The following MYCT1 variants were observed in gnomAD, a reference collection of about 807,000 sequenced individuals.
The protein encoded by MYCT1 is myc target protein 1.
Under a neutral mutation model 15.0 loss-of-function variants are expected in MYCT1, and 12 were observed. That is an observed-to-expected ratio of 0.80 (90% CI 0.51 to 1.29). The LOEUF (loss-of-function observed/expected upper bound fraction) is 1.29. MYCT1 is among the 50% of genes most tolerant of loss of function. The pLI, the probability that MYCT1 is intolerant of heterozygous loss-of-function variation, is 0.00. For missense variants in MYCT1, 287 were observed against 279.1 expected, an observed-to-expected ratio of 1.03 and a Z score of -0.20; for synonymous variants, 104 against 102.7, an observed-to-expected ratio of 1.01 and a Z score of -0.07.
intron 1 of MYCT1, among the ~76,000 whole-genome samples, chr6:152,712,989 T>A (rs1238627715): frequency 1.3e-5 from 2 of 152,052 alleles, no homozygotes; most frequent in African/African-American, 4.8e-5. Flanking sequence ...ATTCAAAATG[T>A]TTTTAGCTCC....
the MYCT1 span, among the ~76,000 whole-genome samples, chr6:152,730,461 C>G: frequency 5.3e-5 from 8 of 152,352 alleles, no homozygotes; most frequent in South Asian, 1.4e-3. Context: ...CATCCATTAT[C>G]AAGTTTTCCC....
chr6:152,734,857 C>G, the MYCT1 span, among the ~76,000 whole-genome samples: 1 of 152,198 alleles, frequency 6.6e-6, no homozygotes, highest in Non-Finnish European at 1.5e-5. Context: ...GTAAAGTTCA[C>G]TGGCAATTTA....
At chr6:152,719,820 G>A (rs1165610193) in intron 1 of MYCT1, among the ~76,000 whole-genome samples, 2 of 152,018 alleles carry the variant, frequency 1.3e-5, no homozygotes, top group Non-Finnish European at 2.9e-5. Context: ...AAAGAACCTT[G>A]GCAATCATAA....
downstream of MYCT1, among the ~76,000 whole-genome samples, chr6:152,727,402 A>C (rs902230137): frequency 3.9e-5 from 6 of 152,166 alleles, no homozygotes; most frequent in African/African-American, 1.4e-4. Flanking sequence ...GCCTAATGTG[A>C]TTTGAAAAGC....
intron 1 of MYCT1, among the ~76,000 whole-genome samples, chr6:152,707,707 T>G: frequency 6.6e-6 from 1 of 152,130 alleles, no homozygotes; most frequent in East Asian, 1.9e-4. Context: ...TTTATTCTTC[T>G]GCATGTGGAT....
chr6:152,727,668 A>G (rs1285510442), downstream of MYCT1, among the ~76,000 whole-genome samples: 1 of 152,188 alleles, frequency 6.6e-6, no homozygotes, highest in Non-Finnish European at 1.5e-5. Context: ...GGATAGATGC[A>G]AGTTCCAAAA....
the MYCT1 span, among the ~76,000 whole-genome samples, chr6:152,736,690 T>C: frequency 6.6e-6 from 1 of 151,210 alleles, no homozygotes; most frequent in East Asian, 1.9e-4. Context: ...ATTAATACAC[T>C]TTTTTTTAAA....
At chr6:152,719,789 T>G (rs1160748849) in intron 1 of MYCT1, among the ~76,000 whole-genome samples, 1 of 152,204 alleles carries the variant, frequency 6.6e-6, no homozygotes, top group Non-Finnish European at 1.5e-5. Context: ...AGTCTACATA[T>G]TATAGATTAC....
At position 152,713,145 on chromosome 6, in the gene MYCT1, A is replaced by T. The variant is rs751800986; in HGVS notation, c.197-8597A>T. Reference sequence around the variant, plus strand: ...GGATAAGTTCTATTAATACACCTTTAAGTTGGCCGATTCTTTTCTCTCTCA... The same window carrying T: ...GGATAAGTTCTATTAATACACCTTTTAGTTGGCCGATTCTTTTCTCTCTCA... On this transcript the variant is annotated intron_variant, in intron 1 of 1. Transcript: ENST00000367245. Among the ~76,000 whole-genome samples, 5 of 152,060 alleles carry T rather than the reference A, an allele frequency of 3.3e-5. 1 individual carries two copies. Among genetic ancestry groups the T allele is most frequent in the Admixed American group, 1.3e-4 (2 of 15,250 alleles).
At chr6:152,724,746 T>C (rs2129071250), downstream of MYCT1, among the ~76,000 whole-genome samples, 1 of 152,204 alleles carries the variant, frequency 6.6e-6, no homozygotes, top group East Asian at 1.9e-4. Context: ...ACTTTGGTAT[T>C]TAAACCTAAC....
chr6:152,734,611 C>T, the MYCT1 span, among the ~76,000 whole-genome samples: 1 of 152,122 alleles, frequency 6.6e-6, no homozygotes, highest in Non-Finnish European at 1.5e-5. Flanking sequence ...GATTATAACT[C>T]ATGGAAATTC....
At chr6:152,740,344 C>A in the MYCT1 span, among the ~76,000 whole-genome samples, 1 of 152,088 alleles carries the variant, frequency 6.6e-6, no homozygotes, top group Non-Finnish European at 1.5e-5. Flanking sequence ...GCCACCGTAC[C>A]AGGCCGGAAA....
the MYCT1 span, among the ~76,000 whole-genome samples, chr6:152,742,039 A>G: frequency 6.6e-6 from 1 of 152,218 alleles, no homozygotes. Flanking sequence ...TACAATTTCA[A>G]TCTCATTCAC....
At chr6:152,743,626 T>C in the MYCT1 span, among the ~76,000 whole-genome samples, 1 of 152,182 alleles carries the variant, frequency 6.6e-6, no homozygotes, top group Admixed American at 6.5e-5. Context: ...CCACTCTCCA[T>C]GCTCTATTCT....
rs1320018103 is a variant in MYCT1 at position 152,724,521 on chromosome 6, T to G, written c.*2268T>G. ...ACTGGAGACTTTTAATGTATTTCTT[T>G]AATTTGAAATGTTTTGTGGATTGTG... On this transcript the variant is annotated 3_prime_UTR_variant, in exon 2 of 2. Coordinates refer to ENST00000367245, the MANE Select transcript of MYCT1 (RefSeq NM_025107.3). 1.3e-5 allele frequency: 2 copies of G among 152,222 alleles called. No individual in the cohort carries two copies. The highest frequency in any genetic ancestry group is 2.4e-5 in the African/African-American group (1 of 41,456). The allele number at this position is 152,222 out of a possible 1,614,324, so 9.4% of individuals were successfully genotyped here. A position where few individuals can be genotyped will look rare whatever the true frequency, so the allele number is the denominator to read the frequency against.
chr6:152,737,925 G>A, the MYCT1 span, among the ~76,000 whole-genome samples: 31,955 of 151,892 alleles, frequency 0.21, 3,839 homozygotes, highest in South Asian at 0.36. Context: ...AGTTTCTCCA[G>A]CCAGCTTTAT....
At chr6:152,743,254 T>C in the MYCT1 span, among the ~76,000 whole-genome samples, 1,713 of 152,144 alleles carry the variant, frequency 0.011, 47 homozygotes, top group African/African-American at 0.039. Flanking sequence ...ATAGTAGAGA[T>C]AGGGTTATGC....
the MYCT1 span, among the ~76,000 whole-genome samples, chr6:152,746,748 C>T: frequency 1.3e-5 from 2 of 152,182 alleles, no homozygotes; most frequent in Admixed American, 1.3e-4. Flanking sequence ...TCGTCTGATA[C>T]ATACAACCCT....
chr6:152,722,270 T>A lies in MYCT1; in HGVS notation c.*17T>A, dbSNP rs1323105555. ...GATTCCTGAGTAGGGTGGCTTTTGG[T>A]TTTTGTTTCTTTCTTGTCTTGTCTT... is the stretch of plus-strand genomic sequence containing the variant. On this transcript the variant is annotated 3_prime_UTR_variant, in exon 2 of 2. Coordinates refer to ENST00000367245, the MANE Select transcript of MYCT1 (RefSeq NM_025107.3). 1 of 1,574,310 alleles carries A rather than the reference T, an allele frequency of 6.4e-7. No homozygotes were observed. The highest frequency in any genetic ancestry group is 2.2e-5 in the East Asian group (1 of 44,524).
Sources: gnomAD v4.1 joint callset for allele counts (sites outside exome capture counted in the v4.1 genomes callset) on GRCh38, gnomAD v4.1.1 for gene constraint, MANE v1.5 for transcripts, NCBI Gene and HGNC (gene_info 2026-07-23, HGNC 2026-07-21) for gene names.